The following AKAP6 variants were observed in gnomAD, a reference collection of about 807,000 sequenced individuals.
The protein encoded by AKAP6 is A-kinase anchor protein 6.
A neutral mutation model predicts 188.5 loss-of-function variants in AKAP6; 58 were observed. That is an observed-to-expected ratio of 0.31 (90% CI 0.25 to 0.38). The LOEUF (loss-of-function observed/expected upper bound fraction) is 0.38, where lower values mean the gene tolerates loss of function less well. AKAP6 is among the 10% of genes least tolerant of loss of function. The pLI, the probability that AKAP6 is intolerant of heterozygous loss-of-function variation, is 1.00. For synonymous variants in AKAP6, 989 were observed against 998.6 expected (o/e 0.99, Z 0.18); for missense variants, 2,710 against 2,740.0 (o/e 0.99, Z 0.24).
intron 12 of AKAP6, among the ~76,000 whole-genome samples, chr14:32,785,002 T>G (rs1282381154): frequency 2.1e-5 from 3 of 140,262 alleles, no homozygotes; most frequent in Non-Finnish European, 4.6e-5. Context: ...AGCACAGTAA[T>G]TTTTGTTAAT....
chr14:32,763,149 G>C (rs1362231674), intron 11 of AKAP6, among the ~76,000 whole-genome samples: 1 of 152,020 alleles, frequency 6.6e-6, no homozygotes, highest in Admixed American at 6.6e-5. Context: ...AAGCTTTAAT[G>C]CTATTTTTAA....
In AKAP6 at chr14:32,336,105, C is replaced by T. The variant is rs969600819; in HGVS notation, c.-35+6697C>T. 2.0e-5 allele frequency among the ~76,000 whole-genome samples: 3 copies of T among 152,148 alleles called. No homozygotes were observed. In the East Asian group the frequency reaches 5.8e-4, roughly 29 times the overall value. ...CCTTATGGTGGGTGAAACATTCCCACCCATCATGTCACAGTGAGAAGTGGC... is the reference window on the plus strand; with the variant it reads ...CCTTATGGTGGGTGAAACATTCCCATCCATCATGTCACAGTGAGAAGTGGC... On this transcript the variant is annotated intron_variant, in intron 1 of 13. Coordinates refer to ENST00000280979, the MANE Select transcript of AKAP6 (RefSeq NM_004274.5).
intron 4 of AKAP6, among the ~76,000 whole-genome samples, chr14:32,555,576 A>G (rs1049834286): frequency 1.3e-5 from 2 of 152,150 alleles, no homozygotes; most frequent in Non-Finnish European, 1.5e-5. Flanking sequence ...GAAACTCTAT[A>G]CCCATTAAAT....
At chr14:32,565,771 A>G (rs1594748064) in intron 4 of AKAP6, among the ~76,000 whole-genome samples, 1 of 152,172 alleles carries the variant, frequency 6.6e-6, no homozygotes, top group South Asian at 2.1e-4. Flanking sequence ...AGTGTTTCGT[A>G]TTTGTCTTTT....
intron 7 of AKAP6, among the ~76,000 whole-genome samples, chr14:32,623,719 T>G (rs1466019373): frequency 6.6e-6 from 1 of 152,120 alleles, no homozygotes; most frequent in African/African-American, 2.4e-5. Context: ...GAAGGAAATT[T>G]TTCTAGGTAG....
chr14:32,710,826 A>C (rs182204732), intron 9 of AKAP6, among the ~76,000 whole-genome samples: 1 of 152,162 alleles, frequency 6.6e-6, no homozygotes, highest in East Asian at 1.9e-4. Flanking sequence ...CAAAAGATAA[A>C]ACAGAATCGG....
At chr14:32,385,197 G>T (rs555441121) in intron 1 of AKAP6, 1 of 150,452 alleles carries the variant, frequency 6.6e-6, no homozygotes, top group Non-Finnish European at 1.5e-5. Flanking sequence ...GAGAAAAGCC[G>T]CATCCATTAT....
intron 11 of AKAP6, among the ~76,000 whole-genome samples, chr14:32,771,627 T>C (rs1229720203): frequency 6.6e-6 from 1 of 152,230 alleles, no homozygotes; most frequent in Admixed American, 6.5e-5. Context: ...TTTGGGGTGC[T>C]TTGCAAATGT....
chr14:32,635,146 TTTA>T (rs1310963585), intron 7 of AKAP6, among the ~76,000 whole-genome samples: 1 of 152,072 alleles, frequency 6.6e-6, no homozygotes, highest in Non-Finnish European at 1.5e-5. Context: ...TGCTGAGTAC[TTTA>T]TTAATTATTT....
chr14:32,395,671 T>C (rs1318141897), intron 1 of AKAP6, among the ~76,000 whole-genome samples: 4 of 152,244 alleles, frequency 2.6e-5, no homozygotes, highest in Admixed American at 6.5e-5. Flanking sequence ...TCTATGTTGA[T>C]GTCTAAGGAT....
At chr14:32,346,038 G>C (rs1479667343) in intron 1 of AKAP6, among the ~76,000 whole-genome samples, 1 of 152,150 alleles carries the variant, frequency 6.6e-6, no homozygotes, top group African/African-American at 2.4e-5. Flanking sequence ...AAATTAAACA[G>C]AAGTTCTAAT....
intron 11 of AKAP6, among the ~76,000 whole-genome samples, chr14:32,767,261 T>A (rs1012319866): frequency 6.6e-6 from 1 of 152,168 alleles, no homozygotes; most frequent in African/African-American, 2.4e-5. Flanking sequence ...TGTTTCTACA[T>A]TGAACTTGTT....
chr14:32,405,683 C>G (rs1047018579), intron 1 of AKAP6, among the ~76,000 whole-genome samples: 1 of 77,056 alleles, frequency 1.3e-5, no homozygotes, highest in African/African-American at 3.9e-5. Context: ...CAGTTTCCCC[C>G]ATACTGTTCT....
chr14:32,639,832 G>A (rs1263307119), intron 7 of AKAP6, among the ~76,000 whole-genome samples: 1 of 152,114 alleles, frequency 6.6e-6, no homozygotes, highest in Non-Finnish European at 1.5e-5. Context: ...AAGAGTATTA[G>A]TGATTATGAA....
At chr14:32,730,946 C>T (rs2031144677) in intron 9 of AKAP6, among the ~76,000 whole-genome samples, 1 of 152,068 alleles carries the variant, frequency 6.6e-6, no homozygotes, top group Non-Finnish European at 1.5e-5. Context: ...TGGTAATTGC[C>T]TTCCATTAGA....
intron 1 of AKAP6, chr14:32,433,236 G>A (rs534874933): frequency 4.8e-6 from 2 of 412,790 alleles, no homozygotes; most frequent in Admixed American, 3.8e-5. Flanking sequence ...GCGGTGGGGG[G>A]AGAGTAGTCA....
At chr14:32,572,650 TA>T (rs1884544204) in intron 4 of AKAP6, among the ~76,000 whole-genome samples, 1 of 152,212 alleles carries the variant, frequency 6.6e-6, no homozygotes, top group East Asian at 1.9e-4. Flanking sequence ...GATTTGACTG[TA>T]AGTGTTCACT....
chr14:32,650,293 A>G (rs1014028530), intron 7 of AKAP6, among the ~76,000 whole-genome samples: 2 of 152,206 alleles, frequency 1.3e-5, no homozygotes, highest in African/African-American at 4.8e-5. Context: ...TCTTTCAGAC[A>G]TACCAGTGCG....
At chr14:32,642,363 A>G (rs1887794638) in intron 7 of AKAP6, among the ~76,000 whole-genome samples, 2 of 152,182 alleles carry the variant, frequency 1.3e-5, no homozygotes, top group South Asian at 4.1e-4. Context: ...TGTCAAAACA[A>G]TTTTATCGCT....
Sources: allele counts gnomAD v4.1 joint callset (sites outside exome capture counted in the v4.1 genomes callset), GRCh38; gene constraint gnomAD v4.1.1; transcripts MANE v1.5; gene names NCBI Gene and HGNC (gene_info 2026-07-23, HGNC 2026-07-21).